LRP1B: variants seen among roughly 807,000 people sequenced by gnomAD.
LRP1B encodes LDL receptor related protein 1B.
Under a neutral mutation model 556.6 loss-of-function variants are expected in LRP1B, and 217 were observed. The observed-to-expected ratio is 0.39, with a 90% CI of 0.35 to 0.44. The LOEUF (loss-of-function observed/expected upper bound fraction) is 0.44. Ranked by LOEUF, LRP1B falls within the 20% of genes least tolerant of loss-of-function variation. The pLI, the probability that LRP1B is intolerant of heterozygous loss-of-function variation, is 1.00. For missense variants in LRP1B, 5,053 were observed against 5,620.8 expected, an observed-to-expected ratio of 0.90 and a Z score of 3.23; for synonymous variants, 2,047 against 1,865.8, an observed-to-expected ratio of 1.10 and a Z score of -2.50.
chr2:140,564,184 A>G (rs1681042376), intron 43 of LRP1B, among the ~76,000 whole-genome samples: 1 of 152,008 alleles, frequency 6.6e-6, no homozygotes, highest in South Asian at 2.1e-4. Flanking sequence ...TACAATATAA[A>G]CTCTCCTTAC....
At chr2:141,193,388 T>C (rs1260552214) in intron 6 of LRP1B, among the ~76,000 whole-genome samples, 2 of 152,024 alleles carry the variant, frequency 1.3e-5, no homozygotes, top group African/African-American at 2.4e-5. Flanking sequence ...GGTGCATATA[T>C]ATACCATGGA....
intron 5 of LRP1B, among the ~76,000 whole-genome samples, chr2:141,229,935 C>A (rs2105295791): frequency 6.6e-6 from 1 of 152,232 alleles, no homozygotes; most frequent in Admixed American, 6.5e-5. Context: ...TTGACCAACC[C>A]CAAGAGCCAA....
intron 1 of LRP1B, among the ~76,000 whole-genome samples, chr2:142,058,822 C>T (rs564535636): frequency 2.0e-5 from 3 of 152,206 alleles, no homozygotes; most frequent in Non-Finnish European, 4.4e-5. Context: ...TTAGTTTTAA[C>T]ACACAGCAGA....
chr2:141,078,371 G>A (rs1018272158), intron 7 of LRP1B, among the ~76,000 whole-genome samples: 7 of 151,958 alleles, frequency 4.6e-5, no homozygotes, highest in African/African-American at 1.5e-4. Context: ...GTCCAGCTTC[G>A]TTGACATGGC....
intron 11 of LRP1B, among the ~76,000 whole-genome samples, chr2:141,031,507 A>ATAATC (rs1698370216): frequency 6.6e-6 from 1 of 151,986 alleles, no homozygotes; most frequent in Non-Finnish European, 1.5e-5. Flanking sequence ...TCTGAATTTT[A>ATAATC]TAATCTTCTG....
chr2:140,438,179 A>AT (rs1306759159), intron 66 of LRP1B, among the ~76,000 whole-genome samples: 2 of 151,974 alleles, frequency 1.3e-5, no homozygotes, highest in Admixed American at 6.6e-5. Flanking sequence ...TTTAAATATA[A>AT]TTTTTTGTAG....
At chr2:140,505,583 C>G (rs1226048326) in intron 53 of LRP1B, among the ~76,000 whole-genome samples, 9 of 152,146 alleles carry the variant, frequency 5.9e-5, no homozygotes, top group Non-Finnish European at 1.3e-4. Context: ...TCTGTATCAA[C>G]CAAATATAAT....
intron 41 of LRP1B, among the ~76,000 whole-genome samples, chr2:140,685,570 G>T (rs955858865): frequency 6.6e-6 from 1 of 152,076 alleles, no homozygotes; most frequent in African/African-American, 2.4e-5. Flanking sequence ...CCAATATTCT[G>T]TAGTTAAAAC....
At chr2:142,094,102 C>T (rs571267455) in intron 1 of LRP1B, among the ~76,000 whole-genome samples, 1 of 152,078 alleles carries the variant, frequency 6.6e-6, no homozygotes, top group Admixed American at 6.6e-5. Flanking sequence ...TTCTGTGTCC[C>T]TTTTATAAGG....
At chr2:141,399,207 G>T (rs1461760102) in intron 3 of LRP1B, among the ~76,000 whole-genome samples, 1 of 152,070 alleles carries the variant, frequency 6.6e-6, no homozygotes, top group Non-Finnish European at 1.5e-5. Context: ...CGTGAGCCAA[G>T]ATCGTGCCAC....
intron 3 of LRP1B, among the ~76,000 whole-genome samples, chr2:141,351,428 C>T (rs2683824): frequency 0.44 from 67,427 of 151,816 alleles, 16,778 homozygotes; most frequent in Non-Finnish European, 0.57. Flanking sequence ...CTCAAAGGAA[C>T]ATCCATTAGC....
chr2:140,428,465 T>C (rs1327629632), intron 66 of LRP1B, among the ~76,000 whole-genome samples: 4 of 152,116 alleles, frequency 2.6e-5, no homozygotes, highest in Non-Finnish European at 5.9e-5. Flanking sequence ...CAGCCCGGGA[T>C]TCCTCCTAAG....
chr2:141,135,047 A>C lies in LRP1B; in HGVS notation c.1013+53374T>G, dbSNP rs568612865. Among the ~76,000 whole-genome samples, 13 of 151,882 alleles carry C rather than the reference A, an allele frequency of 8.6e-5. No individual in the cohort carries two copies. The South Asian group carries it at 2.7e-3, about 31-fold the overall frequency. On this transcript the variant is annotated intron_variant, in intron 7 of 90. Coordinates refer to ENST00000389484, the MANE Select transcript of LRP1B (RefSeq NM_018557.3). ...GTGATGCTTCAAATCGAAGTGAGTG[A>C]AGATTGGATTTCAAATACTCTTCTA...
intron 2 of LRP1B, among the ~76,000 whole-genome samples, chr2:141,599,113 T>C (rs1183982887): frequency 7.7e-6 from 1 of 129,238 alleles, no homozygotes; most frequent in African/African-American, 2.9e-5. Flanking sequence ...TTTTGGAAAG[T>C]TGCTATTTCA....
intron 2 of LRP1B, among the ~76,000 whole-genome samples, chr2:141,746,322 C>T (rs1693913914): frequency 6.6e-6 from 1 of 152,140 alleles, no homozygotes; most frequent in South Asian, 2.1e-4. Flanking sequence ...CATATTCAGA[C>T]TGCTGGGATG....
chr2:141,590,548 A>C (rs1687299445), intron 2 of LRP1B, among the ~76,000 whole-genome samples: 1 of 152,080 alleles, frequency 6.6e-6, no homozygotes, highest in South Asian at 2.1e-4. Flanking sequence ...AGTTTTTTTT[A>C]TAGGCAAGAA....
chr2:141,573,118 C>T (rs142835195), intron 2 of LRP1B, among the ~76,000 whole-genome samples: 297 of 152,182 alleles, frequency 2.0e-3, no homozygotes, highest in African/African-American at 6.8e-3. Flanking sequence ...TCTACAGAAC[C>T]CTCTACCCCA....
intron 2 of LRP1B, among the ~76,000 whole-genome samples, chr2:141,794,206 C>T (rs1408037238): frequency 2.0e-5 from 3 of 151,870 alleles, no homozygotes; most frequent in Non-Finnish European, 4.4e-5. Context: ...ATAGAAGTCT[C>T]TATGAGAGGA....
chr2:141,717,370 G>A (rs1156273384), intron 2 of LRP1B, among the ~76,000 whole-genome samples: 8 of 152,156 alleles, frequency 5.3e-5, no homozygotes, highest in Admixed American at 5.2e-4. Context: ...TTGAAAATAT[G>A]TTTTTCCTCT....
Sources: gnomAD v4.1 joint callset for allele counts (sites outside exome capture counted in the v4.1 genomes callset) on GRCh38, gnomAD v4.1.1 for gene constraint, MANE v1.5 for transcripts, NCBI Gene and HGNC (gene_info 2026-07-23, HGNC 2026-07-21) for gene names.